Variants in OR3A2 observed in about 807,000 individuals in gnomAD.
OR3A2 encodes the protein olfactory receptor family 3 subfamily A member 2.
For synonymous variants in OR3A2, 126 were observed against 159.3 expected (o/e 0.79, Z 1.57); for missense variants, 318 against 392.8 (o/e 0.81, Z 1.61).
At chr17:3,333,087 G>C (rs1597345631) in intron 3 of OR3A2, among the ~76,000 whole-genome samples, 1 of 152,154 alleles carries the variant, frequency 6.6e-6, no homozygotes, top group South Asian at 2.1e-4. Flanking sequence ...GAGAGATATT[G>C]CTAAATTCTT....
At chr17:3,307,821 C>G (rs2049009552) in intron 3 of OR3A2, among the ~76,000 whole-genome samples, 1 of 152,118 alleles carries the variant, frequency 6.6e-6, no homozygotes, top group Admixed American at 6.5e-5. Flanking sequence ...AAATCCTGAC[C>G]TAGGCTCTGG....
intron 2 of OR3A2, among the ~76,000 whole-genome samples, chr17:3,374,130 C>A (rs1281365299): frequency 6.6e-6 from 1 of 152,146 alleles, no homozygotes; most frequent in African/African-American, 2.4e-5. Flanking sequence ...GAACCCCAAT[C>A]CCTTCTGGCT....
chr17:3,332,327 G>A (rs2049242865), intron 3 of OR3A2, among the ~76,000 whole-genome samples: 1 of 152,240 alleles, frequency 6.6e-6, no homozygotes, highest in South Asian at 2.1e-4. Context: ...CCGCCTTGCA[G>A]TTTGATCTCA....
intron 2 of OR3A2, among the ~76,000 whole-genome samples, chr17:3,374,822 C>T (rs1271340091): frequency 6.6e-6 from 1 of 152,144 alleles, no homozygotes; most frequent in African/African-American, 2.4e-5. Context: ...AAACACTATA[C>T]ACTATACCCA....
At chr17:3,370,125 T>C (rs555636807) in intron 2 of OR3A2, among the ~76,000 whole-genome samples, 6 of 152,308 alleles carry the variant, frequency 3.9e-5, no homozygotes, top group South Asian at 2.1e-4. Flanking sequence ...GGATGTCTGA[T>C]AGAACTCAGC....
chr17:3,313,266 G>C (rs2049058693), intron 3 of OR3A2, among the ~76,000 whole-genome samples: 1 of 152,214 alleles, frequency 6.6e-6, no homozygotes, highest in Admixed American at 6.5e-5. Context: ...GAGGAGGGCA[G>C]CAGGGAACCC....
chr17:3,384,253 G>T (rs1156287426), intron 1 of OR3A2, among the ~76,000 whole-genome samples: 2 of 152,186 alleles, frequency 1.3e-5, no homozygotes, highest in Non-Finnish European at 2.9e-5. Context: ...GAGATTAAAT[G>T]GGGGACAAAA....
chr17:3,332,692 G>A (rs1039238882), intron 3 of OR3A2, among the ~76,000 whole-genome samples: 1 of 152,212 alleles, frequency 6.6e-6, no homozygotes, highest in Admixed American at 6.5e-5. Context: ...CTGTAGACCA[G>A]AGCTGTTCCT....
At chr17:3,292,443 C>G (rs1423321340) in intron 3 of OR3A2, 6 of 1,613,684 alleles carry the variant, frequency 3.7e-6, no homozygotes, top group Non-Finnish European at 4.2e-6. Flanking sequence ...TGCCAGGATG[C>G]TGAGGTTGCC....
At chr17:3,295,819 G>T (rs912781054) in intron 3 of OR3A2, among the ~76,000 whole-genome samples, 1 of 152,040 alleles carries the variant, frequency 6.6e-6, no homozygotes, top group Non-Finnish European at 1.5e-5. Context: ...GTCAGTAAAT[G>T]AGGAAAAGAA....
intron 1 of OR3A2, among the ~76,000 whole-genome samples, chr17:3,281,402 T>G (rs1248411378): frequency 6.6e-6 from 1 of 151,804 alleles, no homozygotes; most frequent in Non-Finnish European, 1.5e-5. Flanking sequence ...CCCAGCTAAT[T>G]TTTTTGTATT....
At position 3,378,341 on chromosome 17, in the gene OR3A2, C is replaced by T. The variant is rs1180244979; in HGVS notation, c.-179+5463G>A. On this transcript the variant is annotated intron_variant, in intron 2 of 4. Transcript: ENST00000573491. ...GGCACGTCAGCCCCCTGAGTGTGTG[C>T]ACACCTGGCTGGGTTGCAACAATGC... is the stretch of plus-strand genomic sequence containing the variant. Among the ~76,000 whole-genome samples the T allele has an allele frequency of 3.3e-5, 5 of 152,240 alleles. No individual in the cohort carries two copies. The South Asian group carries it at 1.0e-3, about 31-fold the overall frequency.
Position 3,305,486 on chromosome 17 carries a change from A to G in OR3A2, c.-84-26333T>C, listed in dbSNP as rs1474699812. 2.6e-5 allele frequency among the ~76,000 whole-genome samples: 4 copies of G among 152,358 alleles called. No homozygotes were observed. The East Asian group carries it at 5.8e-4, about 22-fold the overall frequency. ...CTAGTCTTGGGAATGTAGAGTATCA[A>G]TGGAAGAGACGAGATCCTTGCACAA... On this transcript the variant is annotated intron_variant, in intron 3 of 4. Transcript: ENST00000573491.
rs1256855094 is a variant in OR3A2, at chr17:3,311,078, G to A, written c.-85+24955C>T. 3 of 544,598 alleles carry A rather than the reference G, an allele frequency of 5.5e-6. No individual in the cohort carries two copies. The highest frequency in any genetic ancestry group is 6.3e-4 in the Middle Eastern group (2 of 3,180). 33.7% of individuals were successfully genotyped at this position (544,598 alleles called of 1,614,324 possible). Reference sequence around the variant, plus strand: ...TCACTGTGGTGGGCATCTTCTATGGGACGGGCGTCTTCAGCTACACAAGGC... The same window carrying A: ...TCACTGTGGTGGGCATCTTCTATGGAACGGGCGTCTTCAGCTACACAAGGC... On this transcript the variant is annotated intron_variant, in intron 3 of 4. Transcript: ENST00000573491. This position sits in a 1 kb window ranked among gnomAD's most constrained non-coding sequence, Gnocchi z 4.6.
intron 2 of OR3A2, among the ~76,000 whole-genome samples, chr17:3,380,668 A>C (rs1169937183): frequency 6.6e-6 from 1 of 152,228 alleles, no homozygotes; most frequent in Admixed American, 6.5e-5. Flanking sequence ...TGGAATACAA[A>C]GGGCTCATCC....
intron 2 of OR3A2, chr17:3,377,619 C>A (rs2049695460): frequency 6.6e-6 from 1 of 152,304 alleles, no homozygotes; most frequent in Non-Finnish European, 1.5e-5. Context: ...TGCTGAGTCT[C>A]CTCTACCAAG....
chr17:3,330,521 C>G (rs780128281), intron 3 of OR3A2, among the ~76,000 whole-genome samples: 24 of 152,104 alleles, frequency 1.6e-4, no homozygotes, highest in Non-Finnish European at 3.2e-4. Context: ...TTATCAGAGA[C>G]TAGGATTGCA....
chr17:3,318,845 C>T (rs895609907), intron 3 of OR3A2, among the ~76,000 whole-genome samples: 1 of 152,134 alleles, frequency 6.6e-6, no homozygotes, highest in Non-Finnish European at 1.5e-5. Flanking sequence ...CAATTCAGTG[C>T]GAGAGGGCCA....
intron 2 of OR3A2, among the ~76,000 whole-genome samples, chr17:3,338,559 T>G (rs1021672018): frequency 2.0e-5 from 3 of 152,222 alleles, no homozygotes; most frequent in Non-Finnish European, 4.4e-5. Flanking sequence ...TTTTGTCAGG[T>G]TTATCAAAGA....
Sources: allele counts gnomAD v4.1 joint callset (sites outside exome capture counted in the v4.1 genomes callset), GRCh38; gene constraint gnomAD v4.1.1; non-coding constraint Gnocchi (gnomAD v3.1); transcripts MANE v1.5; gene names NCBI Gene and HGNC (gene_info 2026-07-23, HGNC 2026-07-21).